Variants in JAML observed in about 807,000 individuals in gnomAD.
JAML encodes junctional adhesion molecule-like.
Under a neutral mutation model 39.3 loss-of-function variants are expected in JAML, and 25 were observed. The ratio of observed to expected loss-of-function variants is 0.64; its 90% CI spans 0.46 to 0.89. The LOEUF is 0.89. Among genes scored for constraint, JAML ranks in the 40% least tolerant of loss-of-function variants. The pLI, the probability that JAML is intolerant of heterozygous loss-of-function variation, is 0.00. For missense variants in JAML, 440 were observed against 486.9 expected (o/e 0.90, Z 0.91); for synonymous variants, 162 against 179.2 (o/e 0.90, Z 0.77).
chr11:118,199,425 G>A lies in JAML; in HGVS notation c.911+1049C>T, dbSNP rs200525243. Among the ~76,000 whole-genome samples, 14 of 152,226 alleles carry A rather than the reference G, an allele frequency of 9.2e-5. No individual in the cohort carries two copies. In the East Asian group the frequency reaches 2.7e-3, roughly 29 times the overall value. On this transcript the variant is annotated intron_variant, in intron 7 of 9. Transcript: ENST00000356289. ...AAGTGAAAACTTAGCAGGCACAAGT[G>A]TTTTCTGCAGGATCCAAGACCCACT...
At chr11:118,208,076 AC>A (rs1948956559) in intron 4 of JAML, among the ~76,000 whole-genome samples, 1 of 150,080 alleles carries the variant, frequency 6.7e-6, no homozygotes, top group Admixed American at 6.7e-5. Flanking sequence ...ACTTAAACAA[AC>A]AAACAAAGCC....
chr11:118,206,446 C>T (rs138463504), intron 4 of JAML, among the ~76,000 whole-genome samples: 19 of 152,292 alleles, frequency 1.2e-4, no homozygotes, highest in African/African-American at 4.1e-4. Flanking sequence ...CCAACATCTG[C>T]TTAGCATAAA....
Position 118,210,485 on chromosome 11 carries a change from A to G in JAML, c.424+2T>C. On this transcript the variant is annotated splice_donor_variant, in intron 4 of 9. Coordinates refer to ENST00000356289, the MANE Select transcript of JAML (RefSeq NM_001098526.2). LOFTEE classifies it high-confidence loss of function. ...CCCCTCTTTAAGTAAGCATTTGCGT[A>G]CCTTTGGGCTCCTCTGGAAGCACAT... 1 of 1,613,664 alleles carries G rather than the reference A, an allele frequency of 6.2e-7. No homozygotes were observed. Among genetic ancestry groups the G allele is most frequent in the Non-Finnish European group, 8.5e-7 (1 of 1,179,934 alleles).
rs1591475579 is a variant in JAML at position 118,210,714 on chromosome 11, T to C, written c.199-2A>G. The C allele has an allele frequency of 6.2e-7, 1 of 1,612,978 alleles. No individual in the cohort carries two copies. The highest frequency in any genetic ancestry group is 8.5e-7 in the Non-Finnish European group (1 of 1,178,986). ...GTAATAGTATAGCACATATTCGTCCTGAAGGGCAAAACAGTGTTGGAGACA... is the reference window on the plus strand; with the variant it reads ...GTAATAGTATAGCACATATTCGTCCCGAAGGGCAAAACAGTGTTGGAGACA... On this transcript the variant is annotated splice_acceptor_variant, in intron 3 of 9. Coordinates refer to ENST00000356289, the MANE Select transcript of JAML (RefSeq NM_001098526.2). LOFTEE classifies it high-confidence loss of function.
chr11:118,210,368 C>T, intron 4 of JAML, 119 bp downstream of exon 4: 1 of 729,784 alleles, frequency 1.4e-6, no homozygotes, highest in Non-Finnish European at 2.2e-6. Flanking sequence ...TTTGAAGATT[C>T]ACTCTGTGGT....
At chr11:118,214,911 C>G (rs2134673537) in intron 1 of JAML, 25 bp from the exon 2 acceptor site, 1 of 1,599,748 alleles carries the variant, frequency 6.3e-7, no homozygotes, top group Non-Finnish European at 8.6e-7. Context: ...ACAAAAATCA[C>G]AAAATCATGT....
At chr11:118,211,437 G>A (rs1949057587) in intron 3 of JAML, among the ~76,000 whole-genome samples, 1 of 152,000 alleles carries the variant, frequency 6.6e-6, no homozygotes, top group Non-Finnish European at 1.5e-5. Flanking sequence ...TTATAGAGAT[G>A]GGGTTTTGCC....
intron 1 of JAML, among the ~76,000 whole-genome samples, chr11:118,223,295 A>T (rs141883415): frequency 6.6e-6 from 1 of 152,204 alleles, no homozygotes; most frequent in East Asian, 1.9e-4. Flanking sequence ...ATCCGGGCCC[A>T]TGTGTCTGAA....
chr11:118,203,507 G>T lies in JAML; in HGVS notation c.693C>A (p.Asn231Lys). Residue 231 changes from asparagine (N) to lysine (K), a missense_variant, in exon 6 of 10, where the codon AAC becomes AAA. Asn to Lys is a moderately conservative substitution (Grantham distance 94). Transcript: ENST00000356289. Reference sequence around the variant, plus strand: ...TCCCTAGGTGGATACTGCAGGTGTAGTTTCCTCCATCTGACTCCCTCACTC... The same window carrying T: ...TCCCTAGGTGGATACTGCAGGTGTATTTTCCTCCATCTGACTCCCTCACTC... ...LQGVRESDGG[N>K]YTCSIHLGNL... is the part of the protein sequence containing the mutation. 1 of 1,614,162 alleles carries T rather than the reference G, an allele frequency of 6.2e-7. No homozygotes were observed. The highest frequency in any genetic ancestry group is 1.1e-5 in the South Asian group (1 of 91,082).
intron 6 of JAML, 173 bp downstream of exon 6, chr11:118,203,255 G>A (rs779601355): frequency 1.3e-6 from 1 of 750,254 alleles, no homozygotes; most frequent in African/African-American, 1.7e-5. Flanking sequence ...GGCACCTGAG[G>A]AGCCACCTCT....
intron 3 of JAML, among the ~76,000 whole-genome samples, chr11:118,211,428 T>A (rs1209317217): frequency 2.0e-5 from 3 of 152,122 alleles, no homozygotes; most frequent in African/African-American, 7.2e-5. Flanking sequence ...TTTGTTTTTT[T>A]ATAGAGATGG....
intron 9 of JAML, 143 bp from the exon 10 acceptor site, chr11:118,194,560 C>T (rs1283051068): frequency 1.5e-6 from 1 of 667,678 alleles, no homozygotes; most frequent in African/African-American, 1.8e-5. Flanking sequence ...ATCCTTACCA[C>T]CAGGAGGTAG....
chr11:118,217,466 C>T (rs770770983), intron 1 of JAML, among the ~76,000 whole-genome samples: 3 of 152,172 alleles, frequency 2.0e-5, no homozygotes, highest in Non-Finnish European at 4.4e-5. Context: ...TCTAGAACTC[C>T]GTGAAGACAG....
intron 2 of JAML, 111 bp from the exon 3 acceptor site, chr11:118,212,672 T>TA: frequency 6.6e-7 from 1 of 1,516,724 alleles, no homozygotes; most frequent in Non-Finnish European, 8.8e-7. Flanking sequence ...TGATCCAACA[T>TA]AGACAAAGTC....
chr11:118,219,521 C>T (rs1300347571), intron 1 of JAML, among the ~76,000 whole-genome samples: 1 of 152,206 alleles, frequency 6.6e-6, no homozygotes, highest in African/African-American at 2.4e-5. Context: ...TCACAGGTAG[C>T]CCCCTCCAGC....
chr11:118,195,920 C>T (rs1393801027), intron 9 of JAML, among the ~76,000 whole-genome samples: 3 of 151,928 alleles, frequency 2.0e-5, no homozygotes, highest in Non-Finnish European at 2.9e-5. Flanking sequence ...CAACCTCCAC[C>T]TCCCAGGTTC....
chr11:118,198,009 A>G lies in JAML; in HGVS notation c.994T>C (p.Cys332Arg). Residue 332 changes from cysteine (C) to arginine (R), a missense_variant, in exon 8 of 10, where the codon TGT (cysteine) becomes CGT (arginine). Coordinates refer to ENST00000356289, the MANE Select transcript of JAML (RefSeq NM_001098526.2). Reference protein sequence around the residue: ...IKEKPCHFERCEGEKHIYSPI... With the variant: ...IKEKPCHFERREGEKHIYSPI... ...AAGCGTGTGTTCACCTCCCCTTCAC[A>G]TCTTTCAAAATGGCAGGGTTTTTCT... 6.2e-7 allele frequency: 1 copy of G among 1,614,022 alleles called. No individual in the cohort carries two copies. The highest frequency in any genetic ancestry group is 2.2e-5 in the East Asian group (1 of 44,890).
intron 1 of JAML, among the ~76,000 whole-genome samples, chr11:118,218,848 C>T (rs1206870484): frequency 6.6e-6 from 1 of 152,174 alleles, no homozygotes. Flanking sequence ...ACCTTAAGCA[C>T]CTTGATAATA....
In JAML at chr11:118,222,084, GA is replaced by G. The variant is rs1188999584; in HGVS notation, c.-21+2856del. Among the ~76,000 whole-genome samples, 1 of 152,146 alleles carries G rather than the reference GA, an allele frequency of 6.6e-6. No homozygotes were observed. The highest frequency in any genetic ancestry group is 6.5e-5 in the Admixed American group (1 of 15,268). ...ATAGTCAGAAATCAACTTAATTAAA[GA>G]CGATATTTGGGCTGTATGTATACAG... is the stretch of plus-strand genomic sequence containing the variant. On this transcript the variant is annotated intron_variant, in intron 1 of 9. Coordinates refer to ENST00000356289, the MANE Select transcript of JAML (RefSeq NM_001098526.2). The surrounding 1 kb of genome is among the most constrained non-coding windows in gnomAD (Gnocchi z 4.2).
Sources: allele counts gnomAD v4.1 joint callset (sites outside exome capture counted in the v4.1 genomes callset), GRCh38; gene constraint gnomAD v4.1.1; non-coding constraint Gnocchi (gnomAD v3.1); transcripts MANE v1.5; gene names NCBI Gene and HGNC (gene_info 2026-07-23, HGNC 2026-07-21).